Variants in SCN8A observed in about 807,000 individuals in gnomAD.
SCN8A encodes the protein sodium voltage-gated channel alpha subunit 8.
In SCN8A, 30 loss-of-function variants were observed where a neutral mutation model predicts 184.1. That is an observed-to-expected ratio of 0.16 (90% CI 0.12 to 0.22). The LOEUF is 0.22. Ranked by LOEUF, SCN8A falls within the 10% of genes least tolerant of loss-of-function variation. The probability of loss-of-function intolerance (pLI) is 1.00; values close to 1 mark genes in which losing one functional copy is unlikely to be tolerated. For missense variants in SCN8A, 1,057 were observed against 2,498.9 expected (o/e 0.42, Z 12.30); for synonymous variants, 852 against 907.0 (o/e 0.94, Z 1.09).
At chr12:51,629,753 A>G (rs1940159048) in intron 1 of SCN8A, among the ~76,000 whole-genome samples, 2 of 152,124 alleles carry the variant, frequency 1.3e-5, no homozygotes, top group African/African-American at 2.4e-5. Context: ...TCTCTGTGGC[A>G]TACTCTTGGG....
chr12:51,688,057 T>A (rs1335683748), intron 5 of SCN8A, among the ~76,000 whole-genome samples: 1 of 152,244 alleles, frequency 6.6e-6, no homozygotes, highest in Non-Finnish European at 1.5e-5. Flanking sequence ...TACTTGAAAC[T>A]GAAACTGACT....
rs375480171 is a variant in SCN8A, at chr12:51,684,223, C to T, written c.326C>T (p.Thr109Met). 6.2e-6 allele frequency: 10 copies of T among 1,608,852 alleles called. No individual in the cohort carries two copies. The highest frequency in any genetic ancestry group is 1.7e-5 in the Admixed American group (1 of 60,010). The change falls in exon 3 of 27, where the codon ACG becomes ATG. Residue 109 changes from threonine (T) to methionine (M), a missense_variant. Transcript: ENST00000627620. Reference sequence around the variant, plus strand: ...AAAACTCTCTTCAGATTTAGTGCCACGCCTGCCTTGTACATTTTAAGTCCT... The same window carrying T: ...AAAACTCTCTTCAGATTTAGTGCCATGCCTGCCTTGTACATTTTAAGTCCT... Reference protein sequence around the residue: ...RGKTLFRFSATPALYILSPFN... With the variant: ...RGKTLFRFSAMPALYILSPFN...
chr12:51,742,628 C>T (rs182160710), intron 12 of SCN8A, among the ~76,000 whole-genome samples: 1 of 146,312 alleles, frequency 6.8e-6, no homozygotes. Context: ...AGGATCCTTT[C>T]TTTATCCTTG....
chr12:51,732,981 A>G (rs777334369), intron 12 of SCN8A, among the ~76,000 whole-genome samples: 24 of 152,166 alleles, frequency 1.6e-4, no homozygotes, highest in Non-Finnish European at 2.9e-4. Flanking sequence ...TTCTCAGTAT[A>G]AAATCATATC....
chr12:51,595,218 C>T (rs980362481), intron 1 of SCN8A, among the ~76,000 whole-genome samples: 4 of 152,142 alleles, frequency 2.6e-5, no homozygotes, highest in South Asian at 4.2e-4. Flanking sequence ...ATTAAGGTGT[C>T]GAAGGAAACA....
chr12:51,720,733 A>G (rs917789360), intron 11 of SCN8A, among the ~76,000 whole-genome samples: 2 of 152,146 alleles, frequency 1.3e-5, no homozygotes, highest in Admixed American at 1.3e-4. Flanking sequence ...CAGGACATGT[A>G]CTTGGAGAGA....
chr12:51,696,209 G>A (rs995794006), intron 6 of SCN8A, among the ~76,000 whole-genome samples: 1 of 152,176 alleles, frequency 6.6e-6, no homozygotes, highest in African/African-American at 2.4e-5. Context: ...CTGGAGAGAT[G>A]GCTGTATAGG....
At chr12:51,703,170 A>G (rs950524773) in intron 9 of SCN8A, among the ~76,000 whole-genome samples, 1 of 152,020 alleles carries the variant, frequency 6.6e-6, no homozygotes, top group Non-Finnish European at 1.5e-5. Flanking sequence ...TGCTATCTCT[A>G]TCTACTTCCT....
intron 19 of SCN8A, among the ~76,000 whole-genome samples, chr12:51,772,327 G>A (rs1234985990): frequency 6.6e-6 from 1 of 151,590 alleles, no homozygotes; most frequent in Non-Finnish European, 1.5e-5. Context: ...CCTGGGAGGC[G>A]GAGGTTGCAG....
intron 1 of SCN8A, among the ~76,000 whole-genome samples, chr12:51,632,994 TAATAACAACATCTGCC>T (rs1940230287): frequency 6.6e-6 from 1 of 152,194 alleles, no homozygotes; most frequent in African/African-American, 2.4e-5. Flanking sequence ...ACAATAAGAA[TAATAACAACATCTGCC>T]TGCTCTGGGT....
intron 1 of SCN8A, among the ~76,000 whole-genome samples, chr12:51,654,916 T>C (rs981063189): frequency 5.9e-5 from 9 of 152,280 alleles, no homozygotes; most frequent in South Asian, 2.1e-4. Flanking sequence ...TATGTATTTA[T>C]TGAGACAGAG....
chr12:51,649,017 T>TG (rs1302428683), intron 1 of SCN8A, among the ~76,000 whole-genome samples: 1 of 152,166 alleles, frequency 6.6e-6, no homozygotes, highest in African/African-American at 2.4e-5. Context: ...GTACAGGTAT[T>TG]GGGTAAATAC....
chr12:51,798,692 G>C (rs1426582698), intron 26 of SCN8A, among the ~76,000 whole-genome samples: 1 of 152,166 alleles, frequency 6.6e-6, no homozygotes, highest in Non-Finnish European at 1.5e-5. Context: ...AGGCTGAGTG[G>C]TGTCCACAGA....
intron 11 of SCN8A, among the ~76,000 whole-genome samples, chr12:51,721,079 A>ATT (rs1942045997): frequency 2.8e-4 from 14 of 50,538 alleles, no homozygotes; most frequent in African/African-American, 6.9e-4. Flanking sequence ...AAAAAAAAAA[A>ATT]ATTATATATA....
At chr12:51,725,425 T>C (rs998223896) in intron 12 of SCN8A, among the ~76,000 whole-genome samples, 1 of 152,252 alleles carries the variant, frequency 6.6e-6, no homozygotes, top group East Asian at 1.9e-4. Flanking sequence ...TATACTTTTC[T>C]GTTCTTTCTG....
Position 51,807,380 on chromosome 12 carries a change from G to A in SCN8A, c.5894G>A (p.Arg1965Lys), listed in dbSNP as rs188821990. ...KEKQQRAEEG[R>K]RERAKRQKEV... ...AAACAGCAGCGGGCAGAGGAAGGAA[G>A]AAGGGAAAGAGCCAAAAGACAAAAA... Residue 1965 changes from arginine (R) to lysine (K), a missense_variant, in exon 27 of 27, where the codon AGA (arginine) becomes AAA (lysine). Transcript: ENST00000627620. The surrounding 1 kb of genome is among the most constrained non-coding windows in gnomAD (Gnocchi z 4.5). 5 of 1,613,310 alleles carry A rather than the reference G, an allele frequency of 3.1e-6. No individual in the cohort carries two copies. Among genetic ancestry groups the A allele is most frequent in the Non-Finnish European group, 4.2e-6 (5 of 1,179,530 alleles).
At chr12:51,638,489 T>C (rs1455480497) in intron 1 of SCN8A, among the ~76,000 whole-genome samples, 1 of 135,678 alleles carries the variant, frequency 7.4e-6, no homozygotes, top group African/African-American at 2.6e-5. Flanking sequence ...GAGTTATTCC[T>C]TTTTTTTTTT....
In SCN8A at chr12:51,769,221, C is replaced by T; in HGVS notation, c.3258C>T (p.Phe1086=). Residue 1086 remains phenylalanine (F), a synonymous_variant, in exon 17 of 27, where the codon TTC becomes TTT. Coordinates refer to ENST00000627620, the MANE Select transcript of SCN8A (RefSeq NM_001330260.2). ...KYIIDEDHMS[F]INNPNLTVRV... The stretch of plus-strand genomic sequence containing the variant: ...TCATTGATGAGGACCACATGTCCTT[C>T]ATCAACAACCCCAACTTGACTGTAC... 1.9e-6 allele frequency: 3 copies of T among 1,614,012 alleles called. No homozygotes were observed. The highest frequency in any genetic ancestry group is 1.7e-6 in the Non-Finnish European group (2 of 1,179,898).
At chr12:51,655,007 C>G (rs1479655509) in intron 1 of SCN8A, among the ~76,000 whole-genome samples, 1 of 152,156 alleles carries the variant, frequency 6.6e-6, no homozygotes, top group Admixed American at 6.5e-5. Context: ...TCAAGCGATT[C>G]TGGTGCTTTA....
Sources: allele counts gnomAD v4.1 joint callset (sites outside exome capture counted in the v4.1 genomes callset), GRCh38; gene constraint gnomAD v4.1.1; non-coding constraint Gnocchi (gnomAD v3.1); transcripts MANE v1.5; gene names NCBI Gene and HGNC (gene_info 2026-07-23, HGNC 2026-07-21).